Variants in SOX6 observed in about 807,000 individuals in gnomAD.
SOX6 encodes the protein SRY-box transcription factor 6.
Under a neutral mutation model 97.8 loss-of-function variants are expected in SOX6, and 11 were observed. The observed-to-expected ratio is 0.11, with a 90% CI of 0.07 to 0.19. The LOEUF (loss-of-function observed/expected upper bound fraction) is 0.19, where lower values mean the gene tolerates loss of function less well. SOX6 is among the 10% of genes least tolerant of loss of function. SOX6 has a pLI of 1.00. For missense variants in SOX6, 810 were observed against 1,039.5 expected, an observed-to-expected ratio of 0.78 and a Z score of 3.04; for synonymous variants, 360 against 371.4, an observed-to-expected ratio of 0.97 and a Z score of 0.35.
At chr11:16,661,545 C>CT (rs996442122) in intron 3 of SOX6, among the ~76,000 whole-genome samples, 1 of 151,864 alleles carries the variant, frequency 6.6e-6, no homozygotes, top group Non-Finnish European at 1.5e-5. Context: ...CTTCCCTGGT[C>CT]TTTTTTTTCT....
At chr11:16,043,057 C>T (rs1242540967) in intron 12 of SOX6, among the ~76,000 whole-genome samples, 1 of 152,176 alleles carries the variant, frequency 6.6e-6, no homozygotes, top group Non-Finnish European at 1.5e-5. Flanking sequence ...AAGGCCCACC[C>T]TGCCTTGCAT....
intron 3 of SOX6, among the ~76,000 whole-genome samples, chr11:16,282,325 T>C (rs1379318974): frequency 6.6e-6 from 1 of 151,534 alleles, no homozygotes; most frequent in African/African-American, 2.4e-5. Flanking sequence ...CCAGTCTTTA[T>C]TGGAAAGAAA....
chr11:16,676,075 C>A (rs1378579645), intron 3 of SOX6, among the ~76,000 whole-genome samples: 2 of 143,542 alleles, frequency 1.4e-5, no homozygotes, highest in African/African-American at 4.9e-5. Flanking sequence ...CCACAGGTTT[C>A]TGAGGCTCTG....
chr11:16,128,479 A>G (rs1366872645), intron 6 of SOX6, among the ~76,000 whole-genome samples: 1 of 152,200 alleles, frequency 6.6e-6, no homozygotes, highest in African/African-American at 2.4e-5. Context: ...ATGGCTTATA[A>G]TAAAAGTAAG....
chr11:16,346,655 G>C (rs1247647149), intron 1 of SOX6, among the ~76,000 whole-genome samples: 1 of 152,002 alleles, frequency 6.6e-6, no homozygotes, highest in Non-Finnish European at 1.5e-5. Flanking sequence ...ACTGTTTTCA[G>C]AATTACCTTG....
intron 2 of SOX6, among the ~76,000 whole-genome samples, chr11:16,322,460 G>C (rs1051147010): frequency 6.6e-6 from 1 of 152,240 alleles, no homozygotes; most frequent in African/African-American, 2.4e-5. Flanking sequence ...GCAGAACCAT[G>C]AGCTATTAAA....
At chr11:16,446,556 T>G (rs1859615697) in intron 1 of SOX6, among the ~76,000 whole-genome samples, 1 of 152,054 alleles carries the variant, frequency 6.6e-6, no homozygotes, top group Non-Finnish European at 1.5e-5. Flanking sequence ...TTCTGCAGAG[T>G]TAAAGTGATC....
intron 1 of SOX6, among the ~76,000 whole-genome samples, chr11:16,467,065 G>A (rs1860053358): frequency 6.6e-6 from 1 of 151,232 alleles, no homozygotes; most frequent in Non-Finnish European, 1.5e-5. Context: ...GATCATTAGA[G>A]AAACGCAAAT....
intron 1 of SOX6, among the ~76,000 whole-genome samples, chr11:16,409,289 C>CCAA (rs1858747450): frequency 7.0e-6 from 1 of 143,244 alleles, no homozygotes; most frequent in African/African-American, 2.6e-5. Context: ...AACCCCCCTC[C>CCAA]AAAAAAAAAA....
chr11:16,288,477 A>T (rs754124939), intron 3 of SOX6, among the ~76,000 whole-genome samples: 1 of 152,084 alleles, frequency 6.6e-6, no homozygotes, highest in Non-Finnish European at 1.5e-5. Context: ...GCAGTATCAG[A>T]AGTAGATATC....
At chr11:16,514,294 G>C (rs1055409357) in intron 4 of SOX6, among the ~76,000 whole-genome samples, 3 of 151,108 alleles carry the variant, frequency 2.0e-5, no homozygotes, top group African/African-American at 4.9e-5. Context: ...ATGAATTAGA[G>C]ACAACGGAGG....
chr11:16,231,148 C>T (rs560090489), intron 4 of SOX6, among the ~76,000 whole-genome samples: 2 of 151,530 alleles, frequency 1.3e-5, no homozygotes, highest in East Asian at 3.9e-4. Flanking sequence ...AAACAAACCC[C>T]CTATAGAAAA....
rs1848177485 is a variant in SOX6 at position 16,711,262 on chromosome 11, C to T, written n.429+3568G>A. Reference sequence around the variant, plus strand: ...TACAGCAGGCCAGGCACAGTACAGGCTCATACCTGTAATCCCAGCACTTGG... The same window carrying T: ...TACAGCAGGCCAGGCACAGTACAGGTTCATACCTGTAATCCCAGCACTTGG... On this transcript the variant is annotated intron_variant and non_coding_transcript_variant, in intron 3 of 5. Coordinates refer to the SOX6 transcript ENST00000524520. 2.6e-5 allele frequency among the ~76,000 whole-genome samples: 4 copies of T among 152,186 alleles called. No homozygotes were observed. In the South Asian group the frequency reaches 8.3e-4, roughly 31 times the overall value.
chr11:15,975,720 T>C (rs1853458299), intron 15 of SOX6, among the ~76,000 whole-genome samples: 1 of 152,186 alleles, frequency 6.6e-6, no homozygotes, highest in African/African-American at 2.4e-5. Flanking sequence ...AAATTCAAGC[T>C]GTTTGTTCAA....
At chr11:16,257,428 G>T (rs939242684) in intron 3 of SOX6, among the ~76,000 whole-genome samples, 1 of 151,874 alleles carries the variant, frequency 6.6e-6, no homozygotes, top group Non-Finnish European at 1.5e-5. Flanking sequence ...ACTGATTTTT[G>T]ACATAAAGCA....
chr11:16,479,586 G>T (rs1860308733), upstream of SOX6, among the ~76,000 whole-genome samples: 1 of 149,482 alleles, frequency 6.7e-6, no homozygotes, highest in Non-Finnish European at 1.5e-5. Context: ...ATGAAGAAAT[G>T]CAAATGTCCA....
At chr11:16,189,640 A>C (rs574771003) in intron 4 of SOX6, among the ~76,000 whole-genome samples, 78 of 152,182 alleles carry the variant, frequency 5.1e-4, no homozygotes, top group African/African-American at 1.8e-3. Flanking sequence ...TAATCACTAA[A>C]GTATTTTACG....
At chr11:16,176,007 C>T (rs1397586954) in intron 6 of SOX6, among the ~76,000 whole-genome samples, 2 of 151,598 alleles carry the variant, frequency 1.3e-5, no homozygotes, top group African/African-American at 4.8e-5. Flanking sequence ...TTTAACTCAT[C>T]ATGAACTATT....
At chr11:16,206,751 G>A (rs773613930) in intron 4 of SOX6, among the ~76,000 whole-genome samples, 38 of 152,154 alleles carry the variant, frequency 2.5e-4, no homozygotes, top group East Asian at 3.9e-4. Flanking sequence ...CAAAAGTAGC[G>A]TAATATAGAA....
Sources: gnomAD v4.1 joint callset for allele counts (sites outside exome capture counted in the v4.1 genomes callset) on GRCh38, gnomAD v4.1.1 for gene constraint, MANE v1.5 for transcripts, NCBI Gene and HGNC (gene_info 2026-07-23, HGNC 2026-07-21) for gene names.